SRGAP3: variants seen among roughly 807,000 people sequenced by gnomAD.
SRGAP3 encodes SLIT-ROBO Rho GTPase activating protein 3, also known as SLIT-ROBO Rho GTPase-activating protein 3.
A neutral mutation model predicts 121.1 loss-of-function variants in SRGAP3; 39 were observed. The observed-to-expected ratio is 0.32, with a 90% CI of 0.25 to 0.42. SRGAP3 has a LOEUF of 0.42. Among genes scored for constraint, SRGAP3 ranks in the 10% least tolerant of loss-of-function variants. SRGAP3 has a pLI of 1.00. For synonymous variants in SRGAP3, 601 were observed against 570.0 expected (o/e 1.05, Z -0.77); for missense variants, 1,213 against 1,470.6 (o/e 0.82, Z 2.86).
Position 8,985,806 on chromosome 3 carries a change from C to G in SRGAP3, c.3013G>C (p.Val1005Leu). The change falls in exon 22 of 22, where the codon GTC becomes CTC. Residue 1005 changes from valine to leucine, a missense_variant. By Grantham distance (32) the Val-to-Leu change is conservative. Coordinates refer to ENST00000383836, the MANE Select transcript of SRGAP3 (RefSeq NM_014850.4). This position sits in a 1 kb window ranked among gnomAD's most constrained non-coding sequence, Gnocchi z 5.1. ...LEPLKNPPGPVSSEPASPLHT... is the reference protein window; with the variant it reads ...LEPLKNPPGPLSSEPASPLHT... ...AGGGGACTGGCGGGCTCCGAGCTGA[C>G]GGGGCCTGGCGGGTTCTTCAGGGGC... The G allele has an allele frequency of 1.2e-6, 2 of 1,600,260 alleles. No individual in the cohort carries two copies. Among genetic ancestry groups the G allele is most frequent in the South Asian group, 2.2e-5 (2 of 91,048 alleles).
intron 5 of SRGAP3, 69 bp from the exon 6 acceptor site, chr3:9,060,428 C>CAT: frequency 2.6e-6 from 3 of 1,175,380 alleles, no homozygotes; most frequent in African/African-American, 2.0e-5. Context: ...TTTTCTATTC[C>CAT]TTTTTTTTTT....
At chr3:9,129,070 T>A (rs185673097) in intron 1 of SRGAP3, among the ~76,000 whole-genome samples, 7 of 152,294 alleles carry the variant, frequency 4.6e-5, no homozygotes, top group Non-Finnish European at 8.8e-5. Context: ...AATTTAAAAT[T>A]GCTATGTTAG....
chr3:9,328,625 T>G (rs922076446), intron 2 of SRGAP3, among the ~76,000 whole-genome samples: 1 of 152,194 alleles, frequency 6.6e-6, no homozygotes, highest in African/African-American at 2.4e-5. Context: ...AAATTTAAAA[T>G]AGTTGCTCAG....
intron 3 of SRGAP3, among the ~76,000 whole-genome samples, chr3:9,289,432 T>C (rs148402962): frequency 8.7e-4 from 132 of 152,342 alleles, no homozygotes; most frequent in African/African-American, 2.9e-3. Context: ...CCTTGAGATC[T>C]GGGAAAAGAC....
At chr3:9,064,638 CCT>C in intron 4 of SRGAP3, 57 bp from the exon 5 acceptor site, 2 of 1,589,224 alleles carry the variant, frequency 1.3e-6, no homozygotes, top group African/African-American at 2.7e-5. Flanking sequence ...CACGGCCCTC[CCT>C]GTTACTCCTG....
At chr3:9,335,872 A>AT (rs1008656112) in intron 1 of SRGAP3, among the ~76,000 whole-genome samples, 2 of 151,712 alleles carry the variant, frequency 1.3e-5, no homozygotes, top group South Asian at 2.1e-4. Context: ...TCTTATTATT[A>AT]TTTTTTTTAG....
intron 2 of SRGAP3, among the ~76,000 whole-genome samples, chr3:9,122,353 C>G (rs1949038775): frequency 6.6e-6 from 1 of 152,176 alleles, no homozygotes; most frequent in African/African-American, 2.4e-5. Flanking sequence ...GTGAAAGGGT[C>G]TAGACTGTGC....
At chr3:9,165,968 A>G (rs533426477) in intron 1 of SRGAP3, among the ~76,000 whole-genome samples, 3 of 152,202 alleles carry the variant, frequency 2.0e-5, no homozygotes, top group Non-Finnish European at 4.4e-5. Flanking sequence ...ACCCCATGTG[A>G]GGGGGCACTG....
At chr3:9,136,857 A>T (rs1018340053) in intron 1 of SRGAP3, among the ~76,000 whole-genome samples, 1 of 152,178 alleles carries the variant, frequency 6.6e-6, no homozygotes, top group Non-Finnish European at 1.5e-5. Flanking sequence ...TGGGTTCTGC[A>T]GTGCCAAAAG....
chr3:9,051,677 C>T (rs890279578), intron 9 of SRGAP3, among the ~76,000 whole-genome samples: 3 of 150,712 alleles, frequency 2.0e-5, no homozygotes, highest in Admixed American at 2.0e-4. Flanking sequence ...AGCATAGTAC[C>T]CGGTATAGAA....
intron 11 of SRGAP3, 44 bp from the exon 12 acceptor site, chr3:9,032,796 T>C (rs768847686): frequency 1.9e-6 from 3 of 1,547,234 alleles, no homozygotes; most frequent in South Asian, 2.2e-5. Context: ...GCAACCAACA[T>C]AAACATACAA....
chr3:9,131,403 A>C (rs1949439132), intron 1 of SRGAP3, among the ~76,000 whole-genome samples: 4 of 148,134 alleles, frequency 2.7e-5, no homozygotes, highest in Admixed American at 2.7e-4. Context: ...AGACAGGGGC[A>C]TGAGGCCCAG....
Position 8,985,860 on chromosome 3 carries a change from C to T in SRGAP3, c.2959G>A (p.Ala987Thr), listed in dbSNP as rs757351284. The part of the protein sequence containing the change: ...ELERQNTVKQ[A>T]PDVVLDTLEP... ...AGGGTGTCCAGCACCACATCTGGCGCCTGCTTGACCGTGTTCTGCCTCTCG... is the reference window on the plus strand; with the variant it reads ...AGGGTGTCCAGCACCACATCTGGCGTCTGCTTGACCGTGTTCTGCCTCTCG... The change falls in exon 22 of 22, where the codon GCG becomes ACG. Residue 987 changes from alanine to threonine, a missense_variant. This residue lies in a region of SRGAP3 where 420 missense variants were observed against 437.7 expected (regional missense o/e 0.96). Coordinates refer to ENST00000383836, the MANE Select transcript of SRGAP3 (RefSeq NM_014850.4). The surrounding 1 kb of genome is among the most constrained non-coding windows in gnomAD (Gnocchi z 5.1). 2 of 1,600,168 alleles carry T rather than the reference C, an allele frequency of 1.2e-6. No individual in the cohort carries two copies. The highest frequency in any genetic ancestry group is 2.2e-5 in the South Asian group (2 of 91,068).
chr3:9,308,290 CTTCTT>C (rs909226127), intron 3 of SRGAP3, among the ~76,000 whole-genome samples: 6 of 152,182 alleles, frequency 3.9e-5, no homozygotes, highest in African/African-American at 1.4e-4. Context: ...ATTTTACACT[CTTCTT>C]TATATTGGTC....
intron 3 of SRGAP3, among the ~76,000 whole-genome samples, chr3:9,279,667 C>T (rs1954643649): frequency 6.6e-6 from 1 of 151,928 alleles, no homozygotes; most frequent in African/African-American, 2.4e-5. Context: ...GTGCCCACCA[C>T]CACACCCAGC....
At chr3:9,308,272 T>C (rs774463817) in intron 3 of SRGAP3, among the ~76,000 whole-genome samples, 1 of 152,226 alleles carries the variant, frequency 6.6e-6, no homozygotes, top group Non-Finnish European at 1.5e-5. Flanking sequence ...TGGTGAACTT[T>C]CAAGAGGATT....
At chr3:9,066,498 G>A (rs540370451) in intron 4 of SRGAP3, among the ~76,000 whole-genome samples, 1 of 152,094 alleles carries the variant, frequency 6.6e-6, no homozygotes, top group Admixed American at 6.6e-5. Context: ...GGAATTCTGT[G>A]ACTTTATTTT....
At chr3:9,262,042 TG>T (rs367767884) in intron 3 of SRGAP3, among the ~76,000 whole-genome samples, 15 of 151,802 alleles carry the variant, frequency 9.9e-5, no homozygotes, top group African/African-American at 3.6e-4. Flanking sequence ...CAGAACAGAG[TG>T]GGGGCCCATA....
chr3:9,089,990 C>A (rs1947679414), intron 3 of SRGAP3, among the ~76,000 whole-genome samples: 2 of 152,128 alleles, frequency 1.3e-5, no homozygotes, highest in African/African-American at 4.8e-5. Context: ...CAGCCAGAGC[C>A]TTTCCGTCCC....
Sources: gnomAD v4.1 joint callset for allele counts (sites outside exome capture counted in the v4.1 genomes callset) on GRCh38, gnomAD v4.1.1 for gene constraint, gnomAD v4.1.1 regional missense constraint, Gnocchi (gnomAD v3.1) non-coding constraint, MANE v1.5 for transcripts, NCBI Gene and HGNC (gene_info 2026-07-23, HGNC 2026-07-21) for gene names.